UGT1A7: variants seen among roughly 807,000 people sequenced by gnomAD.
The protein encoded by UGT1A7 is UDP-glucuronosyltransferase 1A7.
In UGT1A7, 33 loss-of-function variants were observed where a neutral mutation model predicts 45.6. The observed-to-expected ratio is 0.72, with a 90% confidence interval of 0.55 to 0.97. The LOEUF is 0.97. UGT1A7 is among the 50% of genes least tolerant of loss of function. The pLI, the probability that UGT1A7 is intolerant of heterozygous loss-of-function variation, is 0.00. For missense variants in UGT1A7, 684 were observed against 666.2 expected (o/e 1.03, Z -0.29); for synonymous variants, 274 against 250.6 (o/e 1.09, Z -0.88).
At chr2:233,760,987 G>T in intron 1 of UGT1A7, 1 of 1,614,140 alleles carries the variant, frequency 6.2e-7, no homozygotes. Context: ...TGCAACCCTT[G>T]CCTCAGAATT....
chr2:233,717,705 C>T (rs1452341997), intron 1 of UGT1A7: 2 of 450,484 alleles, frequency 4.4e-6, no homozygotes, highest in Non-Finnish European at 9.0e-6. Context: ...TGGAGCAGGA[C>T]GAGCCTCATG....
At chr2:233,718,225 A>G (rs1206675638) in intron 1 of UGT1A7, among the ~76,000 whole-genome samples, 1 of 152,212 alleles carries the variant, frequency 6.6e-6, no homozygotes, top group Admixed American at 6.5e-5. Context: ...GCCACTTCAG[A>G]GAGAGTCCTC....
At chr2:233,685,670 G>A (rs944188432) in intron 1 of UGT1A7, among the ~76,000 whole-genome samples, 3 of 152,154 alleles carry the variant, frequency 2.0e-5, no homozygotes, top group Non-Finnish European at 4.4e-5. Flanking sequence ...GGCATAATGT[G>A]TACCCATATA....
chr2:233,738,734 C>G (rs1273987564), intron 1 of UGT1A7, among the ~76,000 whole-genome samples: 1 of 152,148 alleles, frequency 6.6e-6, no homozygotes, highest in Non-Finnish European at 1.5e-5. Context: ...AAATTTGCAG[C>G]CTGACCATGT....
In UGT1A7 at chr2:233,754,506, C is replaced by T. The variant is rs1695499420; in HGVS notation, c.856-12528C>T. 9 of 356,440 alleles carry T rather than the reference C, an allele frequency of 2.5e-5. 1 individual carries two copies. Among genetic ancestry groups the T allele is most frequent in the Middle Eastern group, 3.8e-4 (1 of 2,606 alleles). The allele number at this position is 356,440 out of a possible 1,614,324, so 22.1% of individuals were successfully genotyped here. ...TCAATCCTAAAAAAAGTCCGCTATT[C>T]CTCCAGATGTGCTTAAAGGCAAATG... On this transcript the variant is annotated intron_variant, in intron 1 of 4. Transcript: ENST00000373426.
intron 1 of UGT1A7, among the ~76,000 whole-genome samples, chr2:233,739,589 C>T (rs894733553): frequency 6.6e-6 from 1 of 152,224 alleles, no homozygotes; most frequent in African/African-American, 2.4e-5. Flanking sequence ...TGCATGGGGC[C>T]TATAGCCCCT....
At chr2:233,730,691 A>C (rs2078062860) in intron 1 of UGT1A7, among the ~76,000 whole-genome samples, 1 of 152,096 alleles carries the variant, frequency 6.6e-6, no homozygotes, top group Admixed American at 6.5e-5. Flanking sequence ...ATCTCAAATG[A>C]TTCTTCTACT....
At chr2:233,741,718 G>A (rs530950175) in intron 1 of UGT1A7, 1 of 151,874 alleles carries the variant, frequency 6.6e-6, no homozygotes, top group Non-Finnish European at 1.5e-5. Flanking sequence ...GGGTTCTAGA[G>A]CATATCCAAA....
chr2:233,721,961 A>G (rs2076983118), intron 1 of UGT1A7: 1 of 312,750 alleles, frequency 3.2e-6, no homozygotes, highest in Admixed American at 3.8e-5. Flanking sequence ...TTGTATATGC[A>G]TACATTGATG....
At chr2:233,732,493 G>C (rs141356640) in intron 1 of UGT1A7, among the ~76,000 whole-genome samples, 2 of 152,178 alleles carry the variant, frequency 1.3e-5, no homozygotes, top group African/African-American at 4.8e-5. Context: ...TGTATAAGGC[G>C]TAAGGAAGGG....
chr2:233,703,550 C>T (rs2075742983), intron 1 of UGT1A7, among the ~76,000 whole-genome samples: 1 of 151,874 alleles, frequency 6.6e-6, no homozygotes, highest in Admixed American at 6.6e-5. Flanking sequence ...CACTTTATTG[C>T]TAGTAATATT....
intron 1 of UGT1A7, chr2:233,693,464 C>T: frequency 6.2e-7 from 1 of 1,614,126 alleles, no homozygotes; most frequent in Non-Finnish European, 8.5e-7. Flanking sequence ...CCCAGCCTTA[C>T]CCTGTGGGGT....
chr2:233,741,319 C>A (rs2125834585), intron 1 of UGT1A7, among the ~76,000 whole-genome samples: 1 of 151,674 alleles, frequency 6.6e-6, no homozygotes, highest in South Asian at 2.1e-4. Flanking sequence ...CCAACTCATT[C>A]TACTCTACCC....
rs1699315314 is a variant in UGT1A7, at chr2:233,767,062, G to A, written c.884G>A (p.Gly295Glu). The A allele has an allele frequency of 6.2e-7, 1 of 1,613,966 alleles. No individual in the cohort carries two copies. The highest frequency in any genetic ancestry group is 8.5e-7 in the Non-Finnish European group (1 of 1,180,016). Residue 295 changes from glycine (G) to glutamate (E), a missense_variant, in exon 2 of 5, where the codon GGA becomes GAA. Gly to Glu is a moderately conservative substitution (Grantham distance 98). Transcript: ENST00000373426. ...MEFEAYINAS[G>E]EHGIVVFSLG... is the part of the protein sequence containing the mutation. ...TTTGAAGCCTACATTAATGCTTCTG[G>A]AGAACATGGAATTGTGGTTTTCTCT...
At chr2:233,694,209 T>C (rs2075205293) in intron 1 of UGT1A7, among the ~76,000 whole-genome samples, 1 of 152,148 alleles carries the variant, frequency 6.6e-6, no homozygotes. Flanking sequence ...AAAATCCATT[T>C]TCCCAACTCT....
chr2:233,773,128 A>G lies in UGT1A7; in HGVS notation c.*569A>G. On this transcript the variant is annotated 3_prime_UTR_variant, in exon 5 of 5. Transcript: ENST00000373426. ...TGATTTCTTGCTTTGGGGAAAAAGA[A>G]TGATGCTATGAAATTGGTGGGTGGT... The G allele has an allele frequency of 6.4e-6, 1 of 155,198 alleles. No homozygotes were observed. Among genetic ancestry groups the G allele is most frequent in the Non-Finnish European group, 1.4e-5 (1 of 69,704 alleles). 9.6% of individuals were successfully genotyped at this position (155,198 alleles called of 1,614,324 possible). A position where few individuals can be genotyped will look rare whatever the true frequency, so the allele number is the denominator to read the frequency against.
intron 1 of UGT1A7, among the ~76,000 whole-genome samples, chr2:233,737,566 A>G (rs560487651): frequency 6.6e-6 from 1 of 152,226 alleles, no homozygotes; most frequent in South Asian, 2.1e-4. Flanking sequence ...GGATGCACCC[A>G]CTATCCAACC....
At chr2:233,693,353 A>C in intron 1 of UGT1A7, 1 of 1,614,132 alleles carries the variant, frequency 6.2e-7, no homozygotes, top group Non-Finnish European at 8.5e-7. Context: ...GAATAACATG[A>C]TTGTTATTGG....
At chr2:233,744,781 G>A (rs1479146007) in intron 1 of UGT1A7, among the ~76,000 whole-genome samples, 1 of 151,856 alleles carries the variant, frequency 6.6e-6, no homozygotes, top group Non-Finnish European at 1.5e-5. Context: ...AAATTCTCCT[G>A]AAAAATTCTT....
Sources: gnomAD v4.1 joint callset for allele counts (sites outside exome capture counted in the v4.1 genomes callset) on GRCh38, gnomAD v4.1.1 for gene constraint, MANE v1.5 for transcripts, NCBI Gene and HGNC (gene_info 2026-07-23, HGNC 2026-07-21) for gene names.